SLC30A6: variants seen among roughly 807,000 people sequenced by gnomAD.
The protein encoded by SLC30A6 is zinc transporter 6.
In SLC30A6, 55 loss-of-function variants were observed where a neutral mutation model predicts 63.0. That is an observed-to-expected ratio of 0.87 (90% CI 0.70 to 1.09). SLC30A6 has a LOEUF of 1.09. Ranked by LOEUF, SLC30A6 falls within the 50% of genes least tolerant of loss-of-function variation. The pLI is 0.00. For missense variants in SLC30A6, 587 were observed against 549.2 expected (o/e 1.07, Z -0.69); for synonymous variants, 224 against 186.1 (o/e 1.20, Z -1.66).
At chr2:32,220,067 A>G in intron 13 of SLC30A6, 146 bp from the exon 14 acceptor site, 1 of 804,160 alleles carries the variant, frequency 1.2e-6, no homozygotes, top group Non-Finnish European at 1.9e-6. Flanking sequence ...ACCAGCAAGT[A>G]GTCTTTAAGA....
intron 13 of SLC30A6, among the ~76,000 whole-genome samples, chr2:32,218,260 A>C (rs1685875153): frequency 6.6e-6 from 1 of 152,204 alleles, no homozygotes; most frequent in Non-Finnish European, 1.5e-5. Context: ...ATCTCTACAA[A>C]GAAAACAAAA....
At chr2:32,198,396 T>C (rs1683983254) in intron 10 of SLC30A6, among the ~76,000 whole-genome samples, 1 of 152,240 alleles carries the variant, frequency 6.6e-6, no homozygotes, top group Admixed American at 6.5e-5. Flanking sequence ...CCCACATCTC[T>C]ATTGAATTCC....
At position 32,220,692 on chromosome 2, in the gene SLC30A6, A is replaced by G; in HGVS notation, c.1365A>G (p.Arg455=). Residue 455 remains arginine, a synonymous_variant, in exon 14 of 14, where the codon AGA becomes AGG. Transcript: ENST00000282587. ...CAAGTAGATATGGAACTAATAATAGAATTGGACAACCAAGACCATGATAGA... is the reference window on the plus strand; with the variant it reads ...CAAGTAGATATGGAACTAATAATAGGATTGGACAACCAAGACCATGATAGA... The part of the protein sequence containing the change: ...NIPSRYGTNN[R]IGQPRP 6.2e-7 allele frequency: 1 copy of G among 1,613,554 alleles called. No homozygotes were observed. The highest frequency in any genetic ancestry group is 8.5e-7 in the Non-Finnish European group (1 of 1,179,620).
chr2:32,207,019 C>A, intron 12 of SLC30A6, 86 bp downstream of exon 12: 1 of 1,105,446 alleles, frequency 9.0e-7, no homozygotes, highest in Non-Finnish European at 1.4e-6. Context: ...TTCAACTCTA[C>A]CTAGAATTTT....
intron 13 of SLC30A6, among the ~76,000 whole-genome samples, chr2:32,217,684 C>T (rs1685823397): frequency 6.6e-6 from 1 of 152,084 alleles, no homozygotes; most frequent in South Asian, 2.1e-4. Context: ...ACTGATCTTC[C>T]AATCCATGAG....
At chr2:32,178,860 T>A (rs1326733623) in intron 4 of SLC30A6, among the ~76,000 whole-genome samples, 1 of 152,200 alleles carries the variant, frequency 6.6e-6, no homozygotes, top group East Asian at 1.9e-4. Context: ...GCTTTGTTCT[T>A]TTTCAAGATT....
intron 10 of SLC30A6, among the ~76,000 whole-genome samples, chr2:32,200,545 T>G (rs930625558): frequency 6.6e-6 from 1 of 151,394 alleles, no homozygotes; most frequent in African/African-American, 2.4e-5. Flanking sequence ...TGTTGATCTA[T>G]GACCTTACCC....
chr2:32,222,381 A>T lies in SLC30A6; in HGVS notation c.*1668A>T, dbSNP rs1686187839. On this transcript the variant is annotated 3_prime_UTR_variant, in exon 14 of 14. Coordinates refer to ENST00000282587, the MANE Select transcript of SLC30A6 (RefSeq NM_017964.5). ...TGACTTTCCCAGCCATCAGCCAGCT[A>T]TCTAGAGAAGATTTTTGTTTTTCTT... 1 of 152,180 alleles carries T rather than the reference A, an allele frequency of 6.6e-6. No individual in the cohort carries two copies. The highest frequency in any genetic ancestry group is 2.4e-5 in the African/African-American group (1 of 41,456). The allele number at this position is 152,180 out of a possible 1,614,324, so 9.4% of individuals were successfully genotyped here. A position where few individuals can be genotyped will look rare whatever the true frequency, so the allele number is the denominator to read the frequency against.
chr2:32,187,089 G>A, intron 5 of SLC30A6: 3 of 459,032 alleles, frequency 6.5e-6, no homozygotes, highest in South Asian at 4.7e-5. Flanking sequence ...AACTACTGTG[G>A]GAAGACAGTA....
At position 32,224,322 on chromosome 2, in the gene SLC30A6, A is replaced by G. The variant is rs1016437471; in HGVS notation, c.*3609A>G. Reference sequence around the variant, plus strand: ...GCCGATAATCCTAGTAGGAGAGCTAAGACACAAAACTGTTGCATGTTTTTA... The same window carrying G: ...GCCGATAATCCTAGTAGGAGAGCTAGGACACAAAACTGTTGCATGTTTTTA... On this transcript the variant is annotated 3_prime_UTR_variant, in exon 14 of 14. Coordinates refer to ENST00000282587, the MANE Select transcript of SLC30A6 (RefSeq NM_017964.5). 1 of 587,754 alleles carries G rather than the reference A, an allele frequency of 1.7e-6. No individual in the cohort carries two copies. The highest frequency in any genetic ancestry group is 2.9e-6 in the Non-Finnish European group (1 of 340,388). 36.4% of individuals were successfully genotyped at this position (587,754 alleles called of 1,614,324 possible).
intron 13 of SLC30A6, among the ~76,000 whole-genome samples, chr2:32,214,063 C>T (rs769312424): frequency 7.9e-5 from 12 of 152,056 alleles, no homozygotes; most frequent in East Asian, 7.7e-4. Flanking sequence ...AAGAGACAGC[C>T]GGGATTACAG....
chr2:32,166,304 GA>G (rs11343460), intron 1 of SLC30A6, among the ~76,000 whole-genome samples: 70,454 of 146,208 alleles, frequency 0.48, 16,647 homozygotes, highest in East Asian at 0.63. Flanking sequence ...AACGCCAGCG[GA>G]AAAAAAAAAA....
chr2:32,169,118 A>G (rs1034942728), intron 1 of SLC30A6, among the ~76,000 whole-genome samples: 1 of 152,124 alleles, frequency 6.6e-6, no homozygotes, highest in African/African-American at 2.4e-5. Flanking sequence ...AAAAGAATAT[A>G]TATACATATG....
At chr2:32,210,764 C>G (rs1169129610) in intron 13 of SLC30A6, among the ~76,000 whole-genome samples, 1 of 152,026 alleles carries the variant, frequency 6.6e-6, no homozygotes, top group Non-Finnish European at 1.5e-5. Context: ...TCAGGCTATG[C>G]TTTTGTAGTG....
intron 4 of SLC30A6, among the ~76,000 whole-genome samples, chr2:32,180,822 C>T (rs1682243562): frequency 6.6e-6 from 1 of 152,134 alleles, no homozygotes; most frequent in Non-Finnish European, 1.5e-5. Flanking sequence ...TAAAAATAGT[C>T]AAATTTTAAA....
rs1472535818 is a variant in SLC30A6 at position 32,192,915 on chromosome 2, T to C, written c.366-3T>C. On this transcript the variant is annotated splice_region_variant and splice_polypyrimidine_tract_variant and intron_variant, in intron 6 of 13. Coordinates refer to ENST00000282587, the MANE Select transcript of SLC30A6 (RefSeq NM_017964.5). Reference sequence around the variant, plus strand: ...TTATTTAATATATTTTTATTTCTTATAGTGCAGAACGCTTTTTGGAACAGC... The same window carrying C: ...TTATTTAATATATTTTTATTTCTTACAGTGCAGAACGCTTTTTGGAACAGC... The C allele has an allele frequency of 4.6e-6, 7 of 1,507,060 alleles. No individual in the cohort carries two copies. In the East Asian group the frequency reaches 9.5e-5, roughly 20 times the overall value. 93.4% of individuals were successfully genotyped at this position (1,507,060 alleles called of 1,614,324 possible).
intron 9 of SLC30A6, 24 bp from the exon 10 acceptor site, chr2:32,197,683 C>G (rs1683917291): frequency 6.2e-7 from 1 of 1,613,506 alleles, no homozygotes; most frequent in Admixed American, 1.7e-5. Flanking sequence ...CTAATGGATA[C>G]TCTTTCTGTT....
At chr2:32,206,496 C>T (rs1025293218) in intron 11 of SLC30A6, among the ~76,000 whole-genome samples, 3 of 151,530 alleles carry the variant, frequency 2.0e-5, no homozygotes, top group Admixed American at 6.6e-5. Flanking sequence ...ACTGTGGTTC[C>T]TTCTGTCTTA....
intron 5 of SLC30A6, among the ~76,000 whole-genome samples, chr2:32,191,240 A>G (rs1381910569): frequency 6.6e-6 from 1 of 152,036 alleles, no homozygotes; most frequent in Non-Finnish European, 1.5e-5. Context: ...TTATTTTTTC[A>G]GTAGCTGGAA....
Sources: allele counts gnomAD v4.1 joint callset (sites outside exome capture counted in the v4.1 genomes callset), GRCh38; gene constraint gnomAD v4.1.1; transcripts MANE v1.5; gene names NCBI Gene and HGNC (gene_info 2026-07-23, HGNC 2026-07-21).